CLIC5: variants seen among roughly 807,000 people sequenced by gnomAD.
CLIC5 encodes chloride intracellular channel protein 5.
In CLIC5, 20 loss-of-function variants were observed where a neutral mutation model predicts 24.7. The observed-to-expected ratio is 0.81, with a 90% CI of 0.57 to 1.18. CLIC5 has a LOEUF of 1.18. Among genes scored for constraint, CLIC5 ranks in the 50% most tolerant of loss-of-function variants. The probability of loss-of-function intolerance (pLI) is 0.00; values close to 1 mark genes in which losing one functional copy is unlikely to be tolerated. For missense variants in CLIC5, 341 were observed against 326.1 expected (o/e 1.05, Z -0.35); for synonymous variants, 159 against 135.6 (o/e 1.17, Z -1.20).
At chr6:46,111,527 C>T in the CLIC5 span, among the ~76,000 whole-genome samples, 3 of 152,284 alleles carry the variant, frequency 2.0e-5, no homozygotes, top group African/African-American at 7.2e-5. Flanking sequence ...ATTCAATTGA[C>T]CTGATCTATT....
At chr6:46,083,166 A>G (rs143999637), upstream of CLIC5, among the ~76,000 whole-genome samples, 447 of 152,350 alleles carry the variant, frequency 2.9e-3, 1 homozygote, top group Non-Finnish European at 4.8e-3. Context: ...TATTTGTTGG[A>G]TAAATAAATT....
the CLIC5 span, among the ~76,000 whole-genome samples, chr6:46,109,554 T>C: frequency 2.3e-5 from 3 of 129,114 alleles, no homozygotes; most frequent in African/African-American, 9.1e-5. Flanking sequence ...AAAAAGCTGA[T>C]GCGTTCATGA....
the CLIC5 span, among the ~76,000 whole-genome samples, chr6:46,105,984 T>C: frequency 2.1e-4 from 32 of 152,330 alleles, no homozygotes; most frequent in Middle Eastern, 3.4e-3. Context: ...TCATGGGAGA[T>C]GAGCTTGTCA....
intron 6 of CLIC5, among the ~76,000 whole-genome samples, chr6:45,891,448 C>T (rs1762346140): frequency 6.6e-6 from 1 of 151,930 alleles, no homozygotes; most frequent in Non-Finnish European, 1.5e-5. Flanking sequence ...CCATCCAGGC[C>T]AACATGGTGA....
At chr6:46,015,240 CG>C (rs1766957060) in intron 1 of CLIC5, among the ~76,000 whole-genome samples, 1 of 152,054 alleles carries the variant, frequency 6.6e-6, no homozygotes, top group Admixed American at 6.5e-5. Flanking sequence ...GAGGCGGGGA[CG>C]GGGGTGGACA....
Position 46,039,979 on chromosome 6 carries a change from A to C in CLIC5, c.540+39724T>G, listed in dbSNP as rs74919171. 8.8e-3 allele frequency among the ~76,000 whole-genome samples: 1,347 copies of C among 152,342 alleles called. 23 individuals are homozygous for C. Among genetic ancestry groups the C allele is most frequent in the African/African-American group, 0.03 (1,263 of 41,568 alleles). Reference sequence around the variant, plus strand: ...TGGAATCAGATAGATGTAGATATGGATCCTGCCTTGCCACTTTTTAGCTGT... The same window carrying C: ...TGGAATCAGATAGATGTAGATATGGCTCCTGCCTTGCCACTTTTTAGCTGT... On this transcript the variant is annotated intron_variant, in intron 1 of 5. Coordinates refer to the CLIC5 transcript ENST00000185206.
intron 1 of CLIC5, among the ~76,000 whole-genome samples, chr6:45,964,914 A>T (rs143950080): frequency 6.6e-6 from 1 of 152,356 alleles, no homozygotes; most frequent in African/African-American, 2.4e-5. Flanking sequence ...TAATTGGATG[A>T]CAATATGTAT....
intron 3 of CLIC5, among the ~76,000 whole-genome samples, chr6:45,941,950 T>C (rs1290273979): frequency 6.6e-6 from 1 of 152,098 alleles, no homozygotes; most frequent in Admixed American, 6.5e-5. Flanking sequence ...GGACCACCAA[T>C]AAGGATGTGC....
upstream of CLIC5, among the ~76,000 whole-genome samples, chr6:46,083,072 A>G (rs1194326496): frequency 6.6e-6 from 1 of 152,254 alleles, no homozygotes; most frequent in Non-Finnish European, 1.5e-5. Flanking sequence ...ACGTTTCACG[A>G]GAACAAGGCC....
chr6:46,006,111 TACACATGTATAA>T (rs1372722549), intron 1 of CLIC5, among the ~76,000 whole-genome samples: 4 of 28,716 alleles, frequency 1.4e-4, no homozygotes, highest in African/African-American at 3.4e-4. Context: ...TATATATATA[TACACATGTATAA>T]ATACATATAT....
At chr6:45,943,317 C>T (rs1376125196) in intron 3 of CLIC5, among the ~76,000 whole-genome samples, 2 of 152,244 alleles carry the variant, frequency 1.3e-5, no homozygotes, top group Admixed American at 6.5e-5. Flanking sequence ...GAGCTGCCCA[C>T]CTTGGAGGAG....
At chr6:45,954,069 T>C (rs576387842) in intron 2 of CLIC5, among the ~76,000 whole-genome samples, 4 of 148,044 alleles carry the variant, frequency 2.7e-5, no homozygotes, top group Admixed American at 1.3e-4. Context: ...AGGTCAGGAG[T>C]TCAAGACCAG....
At chr6:45,926,807 C>A (rs907869202) in intron 4 of CLIC5, among the ~76,000 whole-genome samples, 3 of 152,150 alleles carry the variant, frequency 2.0e-5, no homozygotes, top group Admixed American at 6.5e-5. Flanking sequence ...ACTGGCCATC[C>A]TAGTGAGGAG....
chr6:46,044,125 T>A (rs559912216), intron 1 of CLIC5, among the ~76,000 whole-genome samples: 2 of 152,346 alleles, frequency 1.3e-5, no homozygotes, highest in East Asian at 3.9e-4. Flanking sequence ...TAGTCACCCA[T>A]GAGGGTCTCT....
At chr6:46,111,713 G>A in the CLIC5 span, among the ~76,000 whole-genome samples, 11 of 152,078 alleles carry the variant, frequency 7.2e-5, no homozygotes, top group African/African-American at 1.2e-4. Context: ...TCAAAGTAAG[G>A]TGATATGGTT....
chr6:45,962,743 G>A (rs986436464), intron 1 of CLIC5, among the ~76,000 whole-genome samples: 3 of 152,146 alleles, frequency 2.0e-5, no homozygotes, highest in Admixed American at 6.5e-5. Context: ...CAGACTTAGC[G>A]GGCTCCTTGG....
chr6:46,108,046 A>C, the CLIC5 span, among the ~76,000 whole-genome samples: 2 of 150,826 alleles, frequency 1.3e-5, no homozygotes, highest in Non-Finnish European at 3.0e-5. Flanking sequence ...AAAAAAAAAA[A>C]AAAAAAAAAA....
the CLIC5 span, among the ~76,000 whole-genome samples, chr6:46,125,752 G>T: frequency 6.6e-6 from 1 of 152,094 alleles, no homozygotes; most frequent in African/African-American, 2.4e-5. Context: ...TTCTCAGGTA[G>T]ACTTTCCCTT....
chr6:45,951,146 C>T (rs892011268), intron 2 of CLIC5, among the ~76,000 whole-genome samples: 1 of 152,098 alleles, frequency 6.6e-6, no homozygotes, highest in African/African-American at 2.4e-5. Flanking sequence ...AAATTTGCTC[C>T]CTAAGAAGAC....
Sources: allele counts gnomAD v4.1 joint callset (sites outside exome capture counted in the v4.1 genomes callset), GRCh38; gene constraint gnomAD v4.1.1; transcripts MANE v1.5; gene names NCBI Gene and HGNC (gene_info 2026-07-23, HGNC 2026-07-21).